The following CCSER1 variants were observed in gnomAD, a reference collection of about 807,000 sequenced individuals.
CCSER1 encodes the protein serine-rich coiled-coil domain-containing protein 1.
Under a neutral mutation model 82.0 loss-of-function variants are expected in CCSER1, and 41 were observed. The observed-to-expected ratio is 0.50, with a 90% CI of 0.39 to 0.65. The LOEUF (loss-of-function observed/expected upper bound fraction) is 0.65. CCSER1 is among the 30% of genes least tolerant of loss of function. The pLI, the probability that CCSER1 is intolerant of heterozygous loss-of-function variation, is 0.00. For synonymous variants in CCSER1, 414 were observed against 383.9 expected (o/e 1.08, Z -0.92); for missense variants, 1,119 against 1,064.2 (o/e 1.05, Z -0.72).
At chr4:90,721,042 A>T (rs1274126211) in intron 6 of CCSER1, among the ~76,000 whole-genome samples, 1 of 151,948 alleles carries the variant, frequency 6.6e-6, no homozygotes, top group Non-Finnish European at 1.5e-5. Context: ...CAATATTCAT[A>T]AAAAGAAGGT....
At chr4:90,195,740 T>C (rs891924151) in intron 1 of CCSER1, among the ~76,000 whole-genome samples, 1 of 152,064 alleles carries the variant, frequency 6.6e-6, no homozygotes, top group Non-Finnish European at 1.5e-5. Flanking sequence ...AAAAATTAAT[T>C]ATCATGTCAA....
intron 10 of CCSER1, among the ~76,000 whole-genome samples, chr4:91,119,405 A>G (rs1377757141): frequency 2.0e-5 from 3 of 152,054 alleles, no homozygotes; most frequent in Non-Finnish European, 4.4e-5. Context: ...TTTGATACAG[A>G]CAAACCCCTG....
intron 10 of CCSER1, among the ~76,000 whole-genome samples, chr4:91,267,748 A>G (rs888399315): frequency 6.6e-6 from 1 of 152,240 alleles, no homozygotes; most frequent in Non-Finnish European, 1.5e-5. Context: ...AAAGAAACAC[A>G]GGACATTTAT....
intron 6 of CCSER1, among the ~76,000 whole-genome samples, chr4:90,699,561 T>C (rs1221296488): frequency 1.3e-5 from 2 of 152,176 alleles, no homozygotes; most frequent in African/African-American, 2.4e-5. Flanking sequence ...GTTTAGAAAA[T>C]GTCTCTCTGT....
At chr4:91,407,879 C>T (rs1045411158) in intron 10 of CCSER1, among the ~76,000 whole-genome samples, 1 of 152,090 alleles carries the variant, frequency 6.6e-6, no homozygotes, top group Non-Finnish European at 1.5e-5. Context: ...TGTGGAGAGT[C>T]AAATATTCAA....
At chr4:90,569,533 C>T (rs78281105) in intron 5 of CCSER1, among the ~76,000 whole-genome samples, 2 of 152,172 alleles carry the variant, frequency 1.3e-5, no homozygotes, top group Non-Finnish European at 2.9e-5. Context: ...AGTGAAGGAA[C>T]CTTGGGCACC....
intron 10 of CCSER1, among the ~76,000 whole-genome samples, chr4:91,141,813 G>A (rs1729060661): frequency 6.6e-6 from 1 of 152,064 alleles, no homozygotes; most frequent in African/African-American, 2.4e-5. Context: ...TTTAATAAAA[G>A]CCATTCTGAC....
chr4:90,814,026 A>G (rs2149756432), intron 7 of CCSER1, among the ~76,000 whole-genome samples: 1 of 152,296 alleles, frequency 6.6e-6, no homozygotes, highest in East Asian at 1.9e-4. Flanking sequence ...AGGCATTTCC[A>G]TACATTCTCT....
intron 9 of CCSER1, among the ~76,000 whole-genome samples, chr4:91,051,002 G>A (rs1742962129): frequency 6.6e-6 from 1 of 152,056 alleles, no homozygotes; most frequent in South Asian, 2.1e-4. Flanking sequence ...CTCTAGCTCT[G>A]TGCTTTTTTG....
chr4:90,840,334 A>G (rs1362356332), intron 8 of CCSER1, among the ~76,000 whole-genome samples: 1 of 152,198 alleles, frequency 6.6e-6, no homozygotes, highest in African/African-American at 2.4e-5. Context: ...CGTTAACTCT[A>G]TGACATTAAT....
Position 90,668,445 on chromosome 4 carries a change from G to A in CCSER1, c.1932+40213G>A, listed in dbSNP as rs545315580. ...CCTGTTGCCATTTAGTTCAAATTAC[G>A]CGATTGATAATTCAAAACCACTTAC... On this transcript the variant is annotated intron_variant, in intron 6 of 10. Coordinates refer to ENST00000509176, the MANE Select transcript of CCSER1 (RefSeq NM_001145065.2). Among the ~76,000 whole-genome samples, 294 of 152,160 alleles carry A rather than the reference G, an allele frequency of 1.9e-3. 1 individual carries two copies. The highest frequency in any genetic ancestry group is 2.9e-3 in the Non-Finnish European group (199 of 67,986).
chr4:91,489,564 G>A (rs532842642), intron 10 of CCSER1, among the ~76,000 whole-genome samples: 1 of 152,110 alleles, frequency 6.6e-6, no homozygotes, highest in African/African-American at 2.4e-5. Flanking sequence ...CAGCACTGTG[G>A]GAGGTTGAGG....
At chr4:91,050,100 A>G (rs79596307) in intron 9 of CCSER1, among the ~76,000 whole-genome samples, 2,095 of 152,312 alleles carry the variant, frequency 0.014, 52 homozygotes, top group African/African-American at 0.047. Context: ...ATAAATATAC[A>G]TATTTAGGAT....
intron 10 of CCSER1, among the ~76,000 whole-genome samples, chr4:91,168,470 C>A (rs1258328589): frequency 7.0e-6 from 1 of 142,894 alleles, no homozygotes; most frequent in Non-Finnish European, 1.5e-5. Context: ...GCACCTCTGC[C>A]CAGCAGCCGC....
intron 1 of CCSER1, among the ~76,000 whole-genome samples, chr4:90,175,848 A>T (rs1732564786): frequency 6.6e-6 from 1 of 151,980 alleles, no homozygotes; most frequent in African/African-American, 2.4e-5. Flanking sequence ...TACTCAAAAG[A>T]GTGTGAGAGA....
intron 9 of CCSER1, among the ~76,000 whole-genome samples, chr4:91,039,354 T>G (rs1718903928): frequency 6.6e-6 from 1 of 152,132 alleles, no homozygotes; most frequent in African/African-American, 2.4e-5. Flanking sequence ...ATTTCCATAT[T>G]CTTTAAGCCC....
chr4:91,435,456 T>A lies in CCSER1; in HGVS notation c.2218-163116T>A, dbSNP rs564864910. ...ACCCTGTCTCAAAAAAAAAAAAATG[T>A]ATCTAAACATTTAGAAAATTCAAAA... On this transcript the variant is annotated intron_variant, in intron 10 of 10. Transcript: ENST00000509176. Among the ~76,000 whole-genome samples, 8 of 150,390 alleles carry A rather than the reference T, an allele frequency of 5.3e-5. 1 individual carries two copies. Among genetic ancestry groups the A allele is most frequent in the African/African-American group, 1.9e-4 (8 of 41,048 alleles).
At chr4:90,228,970 G>T (rs957463127) in intron 1 of CCSER1, among the ~76,000 whole-genome samples, 6 of 152,212 alleles carry the variant, frequency 3.9e-5, no homozygotes, top group African/African-American at 9.6e-5. Flanking sequence ...ATGGGACTAC[G>T]TGTAAAGACG....
At chr4:90,806,091 C>A (rs35522128) in intron 7 of CCSER1, among the ~76,000 whole-genome samples, 1 of 152,096 alleles carries the variant, frequency 6.6e-6, no homozygotes, top group African/African-American at 2.4e-5. Context: ...TGGCAAAAGC[C>A]TAAATTACTT....
Sources: gnomAD v4.1 joint callset for allele counts (sites outside exome capture counted in the v4.1 genomes callset) on GRCh38, gnomAD v4.1.1 for gene constraint, MANE v1.5 for transcripts, NCBI Gene and HGNC (gene_info 2026-07-23, HGNC 2026-07-21) for gene names.